Variants in NOL4 observed in about 807,000 individuals in gnomAD.
NOL4 encodes the protein nucleolar protein 4, also known as cancer/testis antigen 125.
In NOL4, 17 loss-of-function variants were observed where a neutral mutation model predicts 75.9. The observed-to-expected ratio is 0.22, with a 90% confidence interval of 0.15 to 0.34. The LOEUF (loss-of-function observed/expected upper bound fraction) is 0.34, where lower values mean the gene tolerates loss of function less well. Ranked by LOEUF, NOL4 falls within the 10% of genes least tolerant of loss-of-function variation. The pLI, the probability that NOL4 is intolerant of heterozygous loss-of-function variation, is 1.00. For missense variants in NOL4, 614 were observed against 793.5 expected (o/e 0.77, Z 2.72); for synonymous variants, 292 against 289.9 (o/e 1.01, Z -0.07).
intron 5 of NOL4, among the ~76,000 whole-genome samples, chr18:34,063,724 G>T (rs1032020755): frequency 6.6e-6 from 1 of 151,932 alleles, no homozygotes; most frequent in African/African-American, 2.4e-5. Context: ...TATAAATCAT[G>T]ATGTGAAACA....
At chr18:33,907,712 G>A (rs2066150206) in intron 9 of NOL4, among the ~76,000 whole-genome samples, 1 of 152,152 alleles carries the variant, frequency 6.6e-6, no homozygotes, top group African/African-American at 2.4e-5. Flanking sequence ...TGGGCAGGGT[G>A]AAGAGCTGCA....
chr18:34,163,108 T>C (rs113071878), intron 1 of NOL4, among the ~76,000 whole-genome samples: 1 of 152,154 alleles, frequency 6.6e-6, no homozygotes, highest in Non-Finnish European at 1.5e-5. Flanking sequence ...ATAAGAGCTA[T>C]CTATGACAAA....
intron 8 of NOL4, among the ~76,000 whole-genome samples, chr18:33,947,607 T>C (rs2068929511): frequency 6.6e-6 from 1 of 151,854 alleles, no homozygotes; most frequent in Non-Finnish European, 1.5e-5. Flanking sequence ...ATTTAAAATA[T>C]TAGTTTACAA....
At chr18:34,032,962 A>C (rs1367521593) in intron 5 of NOL4, among the ~76,000 whole-genome samples, 1 of 152,186 alleles carries the variant, frequency 6.6e-6, no homozygotes, top group Non-Finnish European at 1.5e-5. Flanking sequence ...TTACAGTCAA[A>C]GAAGTTTTAC....
At chr18:34,214,898 A>G (rs1433207036) in intron 1 of NOL4, among the ~76,000 whole-genome samples, 1 of 152,196 alleles carries the variant, frequency 6.6e-6, no homozygotes, top group Non-Finnish European at 1.5e-5. Flanking sequence ...ATGCTAGTAA[A>G]ATGAGTCAGT....
chr18:34,117,993 T>TA (rs2079941904), intron 2 of NOL4, among the ~76,000 whole-genome samples: 2 of 152,168 alleles, frequency 1.3e-5, no homozygotes, highest in South Asian at 2.1e-4. Flanking sequence ...ACTAGTGTAA[T>TA]AAAAAAATGA....
Position 34,104,077 on chromosome 18 carries a change from C to G in NOL4, c.609G>C (p.Lys203Asn). 6.2e-7 allele frequency: 1 copy of G among 1,611,174 alleles called. No homozygotes were observed. Among genetic ancestry groups the G allele is most frequent in the Non-Finnish European group, 8.5e-7 (1 of 1,177,732 alleles). Residue 203 changes from lysine (K) to asparagine (N), a missense_variant, in exon 4 of 11, where the codon AAG (lysine) becomes AAC (asparagine). Lys to Asn is a moderately conservative substitution (Grantham distance 94). Coordinates refer to ENST00000261592, the MANE Select transcript of NOL4 (RefSeq NM_003787.5). Reference protein sequence around the residue: ...PITMAYMKHMKLQLLNSQQDE... With the variant: ...PITMAYMKHMNLQLLNSQQDE... ...CTTGCTGTGAGTTTAGCAGCTGCAG[C>G]TTCATGTGTTTCATGTAGGCCATGG...
intron 8 of NOL4, among the ~76,000 whole-genome samples, chr18:33,957,087 C>T (rs1658951546): frequency 6.6e-6 from 1 of 151,826 alleles, no homozygotes; most frequent in Middle Eastern, 3.4e-3. Context: ...GACATGGTAC[C>T]ACGTGGTTCT....
chr18:34,106,046 C>T (rs1442767614), intron 2 of NOL4, among the ~76,000 whole-genome samples: 2 of 151,984 alleles, frequency 1.3e-5, no homozygotes, highest in Non-Finnish European at 2.9e-5. Flanking sequence ...TTCAGTTTTC[C>T]ACCATAGCAC....
At chr18:34,205,820 C>A (rs1377223649) in intron 1 of NOL4, among the ~76,000 whole-genome samples, 1 of 152,042 alleles carries the variant, frequency 6.6e-6, no homozygotes, top group Non-Finnish European at 1.5e-5. Context: ...CAAAGGGATA[C>A]CTCAAAGTTA....
chr18:33,853,940 A>G (rs538471593), intron 10 of NOL4, among the ~76,000 whole-genome samples: 17 of 152,106 alleles, frequency 1.1e-4, no homozygotes, highest in Non-Finnish European at 2.2e-4. Context: ...TGTTGAGAAG[A>G]TACTTCTTTC....
chr18:33,883,471 T>C, intron 9 of NOL4, 47 bp from the exon 10 acceptor site: 1 of 1,492,042 alleles, frequency 6.7e-7, no homozygotes, highest in Non-Finnish European at 9.0e-7. Context: ...CACAGTGCTA[T>C]TTCACCTTGA....
intron 10 of NOL4, among the ~76,000 whole-genome samples, chr18:33,868,649 TCACACA>T (rs10669407): frequency 0.026 from 3,541 of 137,924 alleles, 150 homozygotes; most frequent in African/African-American, 0.086. Context: ...TTCCTGTATT[TCACACA>T]CACACACACA....
In NOL4 at chr18:34,030,131, A is replaced by G. The variant is rs1600314529; in HGVS notation, c.773-10530T>C. Among the ~76,000 whole-genome samples, 6 of 152,258 alleles carry G rather than the reference A, an allele frequency of 3.9e-5. 1 individual carries two copies. The highest frequency in any genetic ancestry group is 3.3e-4 in the Admixed American group (5 of 15,286). ...AAAGTAATGATCTAAATAAAATTCC[A>G]CTTTGATTATATTTTTGGGCTTCTA... On this transcript the variant is annotated intron_variant, in intron 5 of 10. Coordinates refer to ENST00000261592, the MANE Select transcript of NOL4 (RefSeq NM_003787.5).
chr18:34,197,965 T>C (rs548246150), intron 1 of NOL4, among the ~76,000 whole-genome samples: 18 of 151,908 alleles, frequency 1.2e-4, no homozygotes, highest in South Asian at 6.2e-4. Flanking sequence ...TAAGAAGTAA[T>C]GGGCAAAAAC....
At chr18:33,913,911 G>A (rs1599849164) in intron 9 of NOL4, among the ~76,000 whole-genome samples, 1 of 152,224 alleles carries the variant, frequency 6.6e-6, no homozygotes, top group East Asian at 1.9e-4. Flanking sequence ...AAGACAAAGG[G>A]TAATAGTCAC....
chr18:34,014,785 A>T (rs2074584088), intron 6 of NOL4, among the ~76,000 whole-genome samples: 1 of 152,066 alleles, frequency 6.6e-6, no homozygotes, highest in African/African-American at 2.4e-5. Context: ...AGATTAGTTA[A>T]TGTGATTCCC....
At position 34,223,225 on chromosome 18, in the gene NOL4, T is replaced by C. The variant is rs373762902; in HGVS notation, c.29A>G (p.Gln10Arg). The part of the protein sequence containing the change: MESERDMYR[Q>R]FQDWCLRTYG... ...AGTCCTGAGGCACCAGTCCTGGAAC[T>C]GGCGGTACATGTCGCGCTCGCTCTC... is the stretch of plus-strand genomic sequence containing the variant. Residue 10 changes from glutamine to arginine, a missense_variant, in exon 1 of 11, where the codon CAG becomes CGG. Transcript: ENST00000261592. The C allele has an allele frequency of 6.2e-7, 1 of 1,614,082 alleles. No homozygotes were observed. The highest frequency in any genetic ancestry group is 2.2e-5 in the East Asian group (1 of 44,852).
chr18:34,040,209 G>A (rs1436491858), intron 5 of NOL4, among the ~76,000 whole-genome samples: 1 of 151,946 alleles, frequency 6.6e-6, no homozygotes, highest in African/African-American at 2.4e-5. Flanking sequence ...ATACCGAACT[G>A]TTAATGGAGA....
Sources: gnomAD v4.1 joint callset for allele counts (sites outside exome capture counted in the v4.1 genomes callset) on GRCh38, gnomAD v4.1.1 for gene constraint, MANE v1.5 for transcripts, NCBI Gene and HGNC (gene_info 2026-07-23, HGNC 2026-07-21) for gene names.